Variants in UBXN4 observed in about 807,000 individuals in gnomAD.
The protein encoded by UBXN4 is UBX domain protein 4, also known as UBX domain-containing protein 4.
Under a neutral mutation model 66.2 loss-of-function variants are expected in UBXN4, and 35 were observed. The observed-to-expected ratio is 0.53, with a 90% CI of 0.40 to 0.70. The LOEUF is 0.70. Among genes scored for constraint, UBXN4 ranks in the 30% least tolerant of loss-of-function variants. The probability of loss-of-function intolerance (pLI) is 0.00; values close to 1 mark genes in which losing one functional copy is unlikely to be tolerated. For missense variants in UBXN4, 533 were observed against 599.8 expected, an observed-to-expected ratio of 0.89 and a Z score of 1.16; for synonymous variants, 203 against 204.5, an observed-to-expected ratio of 0.99 and a Z score of 0.06.
intron 9 of UBXN4, among the ~76,000 whole-genome samples, chr2:135,773,175 G>A (rs1161743844): frequency 6.6e-6 from 1 of 152,164 alleles, no homozygotes; most frequent in African/African-American, 2.4e-5. Context: ...TATCCGATAG[G>A]ATTAAGCAAA....
rs536512314 is a variant in UBXN4 at position 135,760,626 on chromosome 2, C to G, written c.509-1192C>G. On this transcript the variant is annotated intron_variant, in intron 5 of 12. Transcript: ENST00000272638. The stretch of plus-strand genomic sequence containing the variant: ...TTCCCCCAGCTTGTCCACAGGTTAT[C>G]TTCATAAGATGTTAAATTTTTGCTG... Among the ~76,000 whole-genome samples the G allele has an allele frequency of 7.2e-5, 11 of 152,252 alleles. No individual in the cohort carries two copies. The East Asian group carries it at 1.7e-3, about 24-fold the overall frequency.
rs1156676253 is a variant in UBXN4, at chr2:135,784,827, TAGG to T, written c.*1944_*1946del. 6.9e-6 allele frequency: 1 copy of T among 145,336 alleles called. No individual in the cohort carries two copies. The highest frequency in any genetic ancestry group is 1.5e-5 in the Non-Finnish European group (1 of 66,616). 9.0% of individuals were successfully genotyped at this position (145,336 alleles called of 1,614,324 possible). ...AAAAGAATGCTTCGTAATTTTGGAG[TAGG>T]AGGTTCCCTCCTCAATTTTGTATTT... On this transcript the variant is annotated 3_prime_UTR_variant, in exon 13 of 13. Coordinates refer to ENST00000272638, the MANE Select transcript of UBXN4 (RefSeq NM_014607.4).
intron 8 of UBXN4, among the ~76,000 whole-genome samples, chr2:135,772,174 T>A (rs1166915173): frequency 4.0e-5 from 6 of 151,234 alleles, no homozygotes; most frequent in Non-Finnish European, 8.9e-5. Flanking sequence ...GAAAAAAAAT[T>A]AGCTGGGCAT....
intron 1 of UBXN4, among the ~76,000 whole-genome samples, chr2:135,745,875 C>CTTTTTTTTTTTTTTTTTTTTTTT: frequency 1.3e-5 from 1 of 74,406 alleles, no homozygotes; most frequent in South Asian, 6.0e-4. Flanking sequence ...GTCCCGTTTA[C>CTTTTTTTTTTTTTTTTTTTTTTT]TTTTTTTTTT....
chr2:135,777,275 CATT>C (rs1199449453), intron 10 of UBXN4, among the ~76,000 whole-genome samples: 3 of 152,240 alleles, frequency 2.0e-5, no homozygotes, highest in Admixed American at 2.0e-4. Flanking sequence ...GTTCTAGGCT[CATT>C]ATATGTATCA....
At chr2:135,773,093 A>C (rs1005975129) in intron 9 of UBXN4, among the ~76,000 whole-genome samples, 3 of 152,070 alleles carry the variant, frequency 2.0e-5, no homozygotes, top group African/African-American at 7.2e-5. Flanking sequence ...CCAAAGACAG[A>C]AATGATTTGT....
At chr2:135,775,211 T>C (rs2077406374) in intron 9 of UBXN4, among the ~76,000 whole-genome samples, 1 of 152,244 alleles carries the variant, frequency 6.6e-6, no homozygotes, top group African/African-American at 2.4e-5. Context: ...TGTAAAATGA[T>C]GTAGCCACCT....
intron 1 of UBXN4, among the ~76,000 whole-genome samples, chr2:135,743,444 T>G (rs973503802): frequency 6.6e-6 from 1 of 152,242 alleles, no homozygotes; most frequent in Non-Finnish European, 1.5e-5. Context: ...TCTCCTAATA[T>G]CTCAGTTGAT....
rs1559542858 is a variant in UBXN4, at chr2:135,772,465, G to A, written c.868G>A (p.Val290Ile). 2 of 1,614,194 alleles carry A rather than the reference G, an allele frequency of 1.2e-6. No homozygotes were observed. The highest frequency in any genetic ancestry group is 1.3e-5 in the African/African-American group (1 of 75,078). The change falls in exon 9 of 13, where the codon GTA (valine) becomes ATA (isoleucine). Residue 290 changes from valine to isoleucine, a missense_variant. This residue lies in a region of UBXN4 where 529 missense variants were observed against 580.1 expected (regional missense o/e 0.91). Coordinates refer to ENST00000272638, the MANE Select transcript of UBXN4 (RefSeq NM_014607.4). The stretch of plus-strand genomic sequence containing the variant: ...TCGTTTTGCAAAGACAAAGGAAGAA[G>A]TAGAGGCTGCCAAAGCTGCTGCCTT... Reference protein sequence around the residue: ...AARFAKTKEEVEAAKAAALLA... With the variant: ...AARFAKTKEEIEAAKAAALLA...
rs1259911828 is a variant in UBXN4, at chr2:135,782,738, T to C, written c.1389-11T>C. Reference sequence around the variant, plus strand: ...TGACATCTTCCCCTTGCTCCCTCTTTTTCGTATCAGGGAACCAGTGAGAAA... The same window carrying C: ...TGACATCTTCCCCTTGCTCCCTCTTCTTCGTATCAGGGAACCAGTGAGAAA... On this transcript the variant is annotated splice_polypyrimidine_tract_variant and intron_variant, in intron 12 of 12. Transcript: ENST00000272638. 1 of 1,609,936 alleles carries C rather than the reference T, an allele frequency of 6.2e-7. No individual in the cohort carries two copies. Among genetic ancestry groups the C allele is most frequent in the Non-Finnish European group, 8.5e-7 (1 of 1,178,888 alleles).
At chr2:135,758,974 G>T (rs1294503353) in intron 5 of UBXN4, among the ~76,000 whole-genome samples, 1 of 152,140 alleles carries the variant, frequency 6.6e-6, no homozygotes, top group Non-Finnish European at 1.5e-5. Flanking sequence ...GGCCAGGCTG[G>T]CCTCGAACTC....
intron 2 of UBXN4, among the ~76,000 whole-genome samples, chr2:135,752,637 G>A (rs531450992): frequency 2.0e-5 from 3 of 152,300 alleles, no homozygotes; most frequent in Non-Finnish European, 4.4e-5. Context: ...AGGTATACTT[G>A]TCTGCTGAGG....
intron 1 of UBXN4, 133 bp downstream of exon 1, chr2:135,742,144 AC>A: frequency 1.9e-6 from 2 of 1,048,134 alleles, no homozygotes; most frequent in Non-Finnish European, 2.7e-6. Flanking sequence ...TGCCACTACT[AC>A]CCCGCGCCCC....
Position 135,756,320 on chromosome 2 carries a change from ACAAATAATCAT to A in UBXN4, c.508+633_508+643del, listed in dbSNP as rs1328061483. Among the ~76,000 whole-genome samples the A allele has an allele frequency of 2.6e-5, 4 of 152,330 alleles. No individual in the cohort carries two copies. The East Asian group carries it at 7.7e-4, about 29-fold the overall frequency. On this transcript the variant is annotated intron_variant, in intron 5 of 12. Coordinates refer to ENST00000272638, the MANE Select transcript of UBXN4 (RefSeq NM_014607.4). ...AGATGAATCTACTCCAGCATCCCAC[ACAAATAATCAT>A]CAAGCTTCTATTTGAATGCATTCAA...
At chr2:135,767,373 TGAAA>T (rs1393272779) in intron 6 of UBXN4, among the ~76,000 whole-genome samples, 2 of 151,388 alleles carry the variant, frequency 1.3e-5, no homozygotes, top group African/African-American at 2.4e-5. Flanking sequence ...AAAAAAAAAA[TGAAA>T]GAAAGAAAAT....
At chr2:135,766,643 A>G (rs527807306) in intron 6 of UBXN4, among the ~76,000 whole-genome samples, 1 of 152,338 alleles carries the variant, frequency 6.6e-6, no homozygotes, top group African/African-American at 2.4e-5. Context: ...TCTGATAAGA[A>G]CATTACCAAG....
intron 10 of UBXN4, among the ~76,000 whole-genome samples, chr2:135,778,664 T>TA (rs1415704577): frequency 1.3e-5 from 2 of 152,244 alleles, no homozygotes; most frequent in Admixed American, 1.3e-4. Context: ...TTAAAGGAGA[T>TA]ACACAATTGT....
intron 10 of UBXN4, among the ~76,000 whole-genome samples, chr2:135,778,069 C>T (rs893793097): frequency 1.1e-4 from 17 of 150,564 alleles, no homozygotes; most frequent in Non-Finnish European, 2.1e-4. Context: ...CCCAGCTACT[C>T]GAGAGGCTGA....
intron 6 of UBXN4, among the ~76,000 whole-genome samples, chr2:135,763,340 C>T (rs919552268): frequency 6.6e-6 from 1 of 151,408 alleles, no homozygotes; most frequent in Admixed American, 6.6e-5. Flanking sequence ...AACTGTGAAA[C>T]TACTAGTTTC....
Sources: allele counts gnomAD v4.1 joint callset (sites outside exome capture counted in the v4.1 genomes callset), GRCh38; gene constraint gnomAD v4.1.1; regional missense constraint gnomAD v4.1.1; transcripts MANE v1.5; gene names NCBI Gene and HGNC (gene_info 2026-07-23, HGNC 2026-07-21).